The following CACNA1B variants were observed in gnomAD, a reference collection of about 807,000 sequenced individuals.
CACNA1B encodes calcium voltage-gated channel subunit alpha1 B, also known as voltage-dependent N-type calcium channel subunit alpha-1B.
CACNA1B carries 70 observed loss-of-function variants against 247.2 expected under a neutral mutation model. That is an observed-to-expected ratio of 0.28 (90% CI 0.23 to 0.35). The LOEUF is 0.35. Among genes scored for constraint, CACNA1B ranks in the 10% least tolerant of loss-of-function variants. CACNA1B has a pLI of 1.00. For missense variants in CACNA1B, 2,367 were observed against 3,197.4 expected, an observed-to-expected ratio of 0.74 and a Z score of 6.26; for synonymous variants, 1,231 against 1,294.4, an observed-to-expected ratio of 0.95 and a Z score of 1.05.
chr9:138,082,411 A>G (rs1247871546), intron 36 of CACNA1B, among the ~76,000 whole-genome samples: 2 of 151,362 alleles, frequency 1.3e-5, no homozygotes, highest in Non-Finnish European at 2.9e-5. Flanking sequence ...TTACGGACAG[A>G]AAAAGGAATA....
At chr9:137,905,526 A>C (rs559372147) in intron 3 of CACNA1B, among the ~76,000 whole-genome samples, 2 of 152,302 alleles carry the variant, frequency 1.3e-5, no homozygotes, top group African/African-American at 4.8e-5. Flanking sequence ...GACCTTCCTA[A>C]GTACTTAAGT....
intron 3 of CACNA1B, among the ~76,000 whole-genome samples, chr9:137,893,521 C>CG (rs1273804051): frequency 6.6e-6 from 1 of 151,604 alleles, no homozygotes; most frequent in East Asian, 1.9e-4. Context: ...CAAGGTGGCA[C>CG]GCGCCTGTAA....
Position 137,988,594 on chromosome 9 carries a change from T to TAA in CACNA1B, c.1974+1743_1974+1744dup, listed in dbSNP as rs368793048. 1.1e-3 allele frequency among the ~76,000 whole-genome samples: 172 copies of TAA among 151,462 alleles called. 1 individual carries two copies. The highest frequency in any genetic ancestry group is 4.0e-3 in the African/African-American group (166 of 41,216). ...AGATAAAAAAAATACACTTAGAAAATAAAAGGACCTAGACAAGTAAAAACA... is the reference window on the plus strand; with the variant it reads ...AGATAAAAAAAATACACTTAGAAAATAAAAAAGGACCTAGACAAGTAAAAACA... On this transcript the variant is annotated intron_variant, in intron 15 of 46. Transcript: ENST00000371372.
chr9:138,061,265 C>T (rs891078087), intron 31 of CACNA1B, among the ~76,000 whole-genome samples: 87 of 152,066 alleles, frequency 5.7e-4, no homozygotes, highest in Middle Eastern at 3.4e-3. Context: ...ACCAGGTGGC[C>T]ACCATGGCTT....
intron 39 of CACNA1B, among the ~76,000 whole-genome samples, chr9:138,109,110 A>G (rs1032934118): frequency 6.6e-6 from 1 of 152,260 alleles, no homozygotes; most frequent in Non-Finnish European, 1.5e-5. Context: ...ACAAAATTCA[A>G]CATCCATTCA....
At chr9:138,022,371 C>G (rs934345778) in intron 18 of CACNA1B, among the ~76,000 whole-genome samples, 2 of 152,198 alleles carry the variant, frequency 1.3e-5, no homozygotes, top group South Asian at 2.1e-4. Flanking sequence ...CTGGCAGAGG[C>G]TCTGCGTTTG....
Position 138,123,560 on chromosome 9 carries a change from ATGTGTGTGTGTGTG to A in CACNA1B, c.*1577_*1590del, listed in dbSNP as rs5901129. The A allele has an allele frequency of 9.4e-5, 14 of 149,472 alleles. No individual in the cohort carries two copies. Among genetic ancestry groups the A allele is most frequent in the African/African-American group, 2.4e-4 (10 of 40,952 alleles). 9.3% of individuals were successfully genotyped at this position (149,472 alleles called of 1,614,324 possible). On this transcript the variant is annotated 3_prime_UTR_variant, in exon 47 of 47. Transcript: ENST00000371372. ...ATTCTCCTCAAAGAAATTGTGTGTG[ATGTGTGTGTGTGTG>A]TGTGTGTGTGTGTGTCTGTGTCACA... is the stretch of plus-strand genomic sequence containing the variant.
At chr9:137,953,637 C>T (rs912473870) in intron 7 of CACNA1B, among the ~76,000 whole-genome samples, 8 of 152,072 alleles carry the variant, frequency 5.3e-5, no homozygotes, top group Non-Finnish European at 8.8e-5. Context: ...GAGGAGGCAC[C>T]GGGGGAGGGA....
Position 138,023,736 on chromosome 9 carries a change from AGAAGGAG to A in CACNA1B, c.2995_3001del (p.Lys999ProfsTer8). The stretch of plus-strand genomic sequence containing the variant: ...GAGGCTGTGGAGAAGGAGACCACGG[AGAAGGAG>A]GCCACGGAGAAGGAGGCTGAGATAG... On this transcript the variant is annotated frameshift_variant, in exon 19 of 47. Coordinates refer to ENST00000371372, the MANE Select transcript of CACNA1B (RefSeq NM_000718.4). LOFTEE classifies it high-confidence loss of function. 1.3e-6 allele frequency: 2 copies of A among 1,536,034 alleles called. No individual in the cohort carries two copies. Among genetic ancestry groups the A allele is most frequent in the Non-Finnish European group, 1.8e-6 (2 of 1,138,840 alleles).
At chr9:138,114,138 C>A (rs1389644627) in intron 40 of CACNA1B, among the ~76,000 whole-genome samples, 1 of 152,174 alleles carries the variant, frequency 6.6e-6, no homozygotes, top group Non-Finnish European at 1.5e-5. Flanking sequence ...CTTGAGAGGC[C>A]TCAGGAGGAG....
At chr9:137,996,775 G>A (rs917424009) in intron 15 of CACNA1B, among the ~76,000 whole-genome samples, 2 of 151,922 alleles carry the variant, frequency 1.3e-5, no homozygotes, top group Non-Finnish European at 2.9e-5. Context: ...AGACTCCTCC[G>A]CAGAATATAA....
intron 21 of CACNA1B, among the ~76,000 whole-genome samples, chr9:138,045,758 G>A (rs1959177820): frequency 1.3e-5 from 2 of 152,204 alleles, no homozygotes; most frequent in South Asian, 4.1e-4. Flanking sequence ...AAGTGGCAAG[G>A]GTTGAGGCAG....
intron 31 of CACNA1B, among the ~76,000 whole-genome samples, chr9:138,067,039 CATG>C: frequency 6.6e-6 from 1 of 152,176 alleles, no homozygotes; most frequent in African/African-American, 2.4e-5. Context: ...GGAGAGGGGT[CATG>C]ATGGTAGGTA....
At chr9:138,062,416 G>C (rs190960887) in intron 31 of CACNA1B, among the ~76,000 whole-genome samples, 1 of 152,190 alleles carries the variant, frequency 6.6e-6, no homozygotes, top group Non-Finnish European at 1.5e-5. Context: ...ACAGAGGTGC[G>C]TGTCATGGGG....
chr9:138,043,884 T>A lies in CACNA1B; in HGVS notation c.3397T>A (p.Leu1133Ile). The change falls in exon 21 of 47, where the codon TTA becomes ATA. Residue 1133 changes from leucine (L) to isoleucine (I), a missense_variant. Leu to Ile is a conservative substitution (Grantham distance 5). This residue lies in a region of CACNA1B where 631 missense variants were observed against 631.1 expected (regional missense o/e 1.00). Transcript: ENST00000371372. ...PIVPYSSMFC[L>I]SPTNLLRRFC... ...CGTCCCATACAGCTCCATGTTCTGT[T>A]TAAGCCCCACCAACCTGTGAGTCTC... The A allele has an allele frequency of 6.2e-7, 1 of 1,613,804 alleles. No individual in the cohort carries two copies. Among genetic ancestry groups the A allele is most frequent in the Non-Finnish European group, 8.5e-7 (1 of 1,179,734 alleles).
At chr9:137,934,341 G>C (rs573113625) in intron 6 of CACNA1B, among the ~76,000 whole-genome samples, 18 of 152,150 alleles carry the variant, frequency 1.2e-4, no homozygotes, top group Non-Finnish European at 2.1e-4. Flanking sequence ...CTTCCATTTG[G>C]GTTGCAATAG....
rs765250308 is a variant in CACNA1B, at chr9:138,052,790, G to A, written c.3807+602G>A. 2.0e-5 allele frequency among the ~76,000 whole-genome samples: 3 copies of A among 152,228 alleles called. No homozygotes were observed. Among genetic ancestry groups the A allele is most frequent in the Non-Finnish European group, 2.9e-5 (2 of 68,034 alleles). On this transcript the variant is annotated intron_variant, in intron 25 of 46. Coordinates refer to ENST00000371372, the MANE Select transcript of CACNA1B (RefSeq NM_000718.4). The surrounding 1 kb of genome is among the most constrained non-coding windows in gnomAD (Gnocchi z 5.1). ...TGTATGTGAAGGAGTGGGCTGGCAG[G>A]CAGCTGGGGAAGGCGTCGGAGGCCC...
intron 15 of CACNA1B, among the ~76,000 whole-genome samples, chr9:137,993,195 C>G (rs935162460): frequency 6.6e-6 from 1 of 151,664 alleles, no homozygotes; most frequent in Non-Finnish European, 1.5e-5. Context: ...CAGAGCGGAA[C>G]TAAATGAAAT....
intron 18 of CACNA1B, among the ~76,000 whole-genome samples, chr9:138,016,336 T>C (rs994892735): frequency 3.9e-5 from 6 of 152,324 alleles, no homozygotes; most frequent in African/African-American, 1.4e-4. Context: ...GGGAAGTTAA[T>C]TGGAGGGAAA....
Sources: allele counts gnomAD v4.1 joint callset (sites outside exome capture counted in the v4.1 genomes callset), GRCh38; gene constraint gnomAD v4.1.1; regional missense constraint gnomAD v4.1.1; non-coding constraint Gnocchi (gnomAD v3.1); transcripts MANE v1.5; gene names NCBI Gene and HGNC (gene_info 2026-07-23, HGNC 2026-07-21).